HDAC8: variants seen among roughly 807,000 people sequenced by gnomAD.
HDAC8 encodes the protein histone deacetylase 8.
HDAC8 carries 1 observed loss-of-function variant against 32.2 expected under a neutral mutation model. That is an observed-to-expected ratio of 0.03 (90% confidence interval 0.01 to 0.15). The LOEUF is 0.15. Ranked by LOEUF, HDAC8 falls within the 10% of genes least tolerant of loss-of-function variation. The probability of loss-of-function intolerance (pLI) is 1.00; values close to 1 mark genes in which losing one functional copy is unlikely to be tolerated. For synonymous variants in HDAC8, 108 were observed against 113.9 expected (o/e 0.95, Z 0.33); for missense variants, 117 against 300.0 (o/e 0.39, Z 4.51).
chrX:72,542,679 C>T (rs1569388566), intron 4 of HDAC8, among the ~76,000 whole-genome samples: 2 of 111,581 alleles, frequency 1.8e-5, no homozygotes, highest in Admixed American at 9.5e-5. Context: ...AGTGATCATG[C>T]GGAGGAAGGG....
At chrX:72,560,565 T>TAAAAAAA (rs147846647) in intron 4 of HDAC8, among the ~76,000 whole-genome samples, 87 of 35,181 alleles carry the variant, frequency 2.5e-3, no homozygotes, top group Non-Finnish European at 3.2e-3. Flanking sequence ...CAATAAATAC[T>TAAAAAAA]AAAAAAAAAA....
chrX:72,394,252 A>C (rs1251664300), intron 9 of HDAC8, among the ~76,000 whole-genome samples: 1 of 111,362 alleles, frequency 9.0e-6, no homozygotes. Flanking sequence ...TGACCATTCT[A>C]TGATGTCTTT....
intron 9 of HDAC8, among the ~76,000 whole-genome samples, chrX:72,442,204 G>A (rs1446785279): frequency 2.7e-5 from 3 of 110,447 alleles, no homozygotes; most frequent in Non-Finnish European, 5.7e-5. Context: ...GATGCTCCTC[G>A]AGAAGAGCAA....
At chrX:72,525,687 G>A (rs1225508023) in intron 4 of HDAC8, among the ~76,000 whole-genome samples, 1 of 106,424 alleles carries the variant, frequency 9.4e-6, no homozygotes, top group South Asian at 4.3e-4. Flanking sequence ...TGTGGCGGGC[G>A]CCCGTAGTCC....
At chrX:72,356,398 C>T (rs1168451221) in intron 9 of HDAC8, among the ~76,000 whole-genome samples, 1 of 111,630 alleles carries the variant, frequency 9.0e-6, no homozygotes, top group African/African-American at 3.3e-5. Context: ...GGGAGGCAGG[C>T]ATGCATTTCA....
chrX:72,528,247 A>G (rs140785818), intron 4 of HDAC8, among the ~76,000 whole-genome samples: 404 of 111,598 alleles, frequency 3.6e-3, no homozygotes, highest in Middle Eastern at 9.3e-3. Context: ...TCAACCCCCT[A>G]GCACAGTGCC....
chrX:72,385,484 A>G (rs782396365), intron 9 of HDAC8, among the ~76,000 whole-genome samples: 1 of 110,651 alleles, frequency 9.0e-6, no homozygotes, highest in East Asian at 2.8e-4. Flanking sequence ...CAAAACGAAA[A>G]AACAAGCAAA....
intron 9 of HDAC8, among the ~76,000 whole-genome samples, chrX:72,356,120 G>T (rs2044349825): frequency 8.9e-6 from 1 of 111,954 alleles, no homozygotes; most frequent in Non-Finnish European, 1.9e-5. Context: ...AGGATCTGAA[G>T]CCCAGGACAG....
intron 9 of HDAC8, among the ~76,000 whole-genome samples, chrX:72,354,217 T>C (rs968774183): frequency 2.7e-5 from 3 of 112,471 alleles, no homozygotes; most frequent in Non-Finnish European, 5.6e-5. Context: ...GGCTGGCTGC[T>C]GGTAATAATA....
intron 10 of HDAC8, among the ~76,000 whole-genome samples, chrX:72,350,946 G>T (rs2044160136): frequency 1.8e-5 from 2 of 112,114 alleles, no homozygotes; most frequent in African/African-American, 6.5e-5. Flanking sequence ...CAGCACTCTG[G>T]CTGAGTCCAG....
At chrX:72,568,365 C>T (rs1229040557) in intron 3 of HDAC8, among the ~76,000 whole-genome samples, 2 of 111,822 alleles carry the variant, frequency 1.8e-5, no homozygotes, top group African/African-American at 6.5e-5. Context: ...TGCTGTTTTT[C>T]TAGACTATCC....
At chrX:72,529,823 G>C (rs868920320) in intron 4 of HDAC8, among the ~76,000 whole-genome samples, 37 of 111,604 alleles carry the variant, frequency 3.3e-4, no homozygotes, top group African/African-American at 1.1e-3. Flanking sequence ...GGGGGGACCT[G>C]GTGGGAGGTG....
At chrX:72,420,657 G>T (rs1454942983) in intron 9 of HDAC8, among the ~76,000 whole-genome samples, 5 of 111,640 alleles carry the variant, frequency 4.5e-5, no homozygotes, top group African/African-American at 1.6e-4. Context: ...AGGCTCTGTT[G>T]TTTGGTGTAT....
At chrX:72,389,099 ACTAGT>A (rs2045541337) in intron 9 of HDAC8, among the ~76,000 whole-genome samples, 1 of 111,769 alleles carries the variant, frequency 8.9e-6, no homozygotes, top group East Asian at 2.8e-4. Context: ...TTGCCTTTCC[ACTAGT>A]CTATAACTTC....
chrX:72,358,024 C>T (rs2044425245), intron 9 of HDAC8, among the ~76,000 whole-genome samples: 1 of 110,248 alleles, frequency 9.1e-6, no homozygotes, highest in African/African-American at 3.3e-5. Context: ...CCTGCCTCAG[C>T]CTCCCGAGTA....
chrX:72,473,135 T>A (rs1555998637), intron 7 of HDAC8, among the ~76,000 whole-genome samples: 1 of 112,630 alleles, frequency 8.9e-6, no homozygotes, highest in Non-Finnish European at 1.9e-5. Context: ...ACACTTAATA[T>A]TCTTAGGCTA....
At chrX:72,410,249 G>T (rs1424646889) in intron 9 of HDAC8, among the ~76,000 whole-genome samples, 1 of 110,944 alleles carries the variant, frequency 9.0e-6, no homozygotes, top group African/African-American at 3.3e-5. Context: ...GCTGAAGGGT[G>T]ATTGGAAACA....
rs189619069 is a variant in HDAC8, at chrX:72,521,093, G to A, written c.438-25825C>T. Among the ~76,000 whole-genome samples, 7 of 111,818 alleles carry A rather than the reference G, an allele frequency of 6.3e-5. No homozygotes were observed. The Admixed American group carries it at 6.6e-4, about 11-fold the overall frequency. ...TTTGTAATTAGCAAGGAATCTGTGG[G>A]GTGATAATTTGAAACTGTGTGAATA... On this transcript the variant is annotated intron_variant, in intron 4 of 10. Coordinates refer to ENST00000373573, the MANE Select transcript of HDAC8 (RefSeq NM_018486.3).
chrX:72,556,087 G>T (rs1332849777), intron 4 of HDAC8, among the ~76,000 whole-genome samples: 1 of 111,680 alleles, frequency 9.0e-6, no homozygotes, highest in African/African-American at 3.3e-5. Flanking sequence ...AGGGATTGGG[G>T]TCCTATTTTT....
Sources: allele counts gnomAD v4.1 joint callset (sites outside exome capture counted in the v4.1 genomes callset), GRCh38; gene constraint gnomAD v4.1.1; transcripts MANE v1.5; gene names NCBI Gene and HGNC (gene_info 2026-07-23, HGNC 2026-07-21).